LRRIQ3: variants seen among roughly 807,000 people sequenced by gnomAD.
The protein encoded by LRRIQ3 is leucine rich repeats and IQ motif containing 3.
LRRIQ3 carries 75 observed loss-of-function variants against 59.3 expected under a neutral mutation model. The ratio of observed to expected loss-of-function variants is 1.26; its 90% confidence interval spans 1.05 to 1.53. The LOEUF is 1.53. Ranked by LOEUF, LRRIQ3 falls within the 40% of genes most tolerant of loss-of-function variation. LRRIQ3 has a pLI of 0.00. For synonymous variants in LRRIQ3, 250 were observed against 231.3 expected, an observed-to-expected ratio of 1.08 and a Z score of -0.73; for missense variants, 831 against 710.0, an observed-to-expected ratio of 1.17 and a Z score of -1.94.
intron 5 of LRRIQ3, chr1:74,095,098 CTCT>C (rs909842681): frequency 1.3e-5 from 2 of 152,076 alleles, no homozygotes; most frequent in African/African-American, 2.4e-5. Context: ...TAGCTGTGAC[CTCT>C]TCTTCTTTAT....
chr1:74,040,164 T>G (rs1653999404), intron 7 of LRRIQ3, among the ~76,000 whole-genome samples: 1 of 152,014 alleles, frequency 6.6e-6, no homozygotes, highest in African/African-American at 2.4e-5. Flanking sequence ...AAAACAGACT[T>G]TAAACCAACA....
chr1:74,076,343 T>C (rs770163083), intron 5 of LRRIQ3, among the ~76,000 whole-genome samples: 101 of 152,164 alleles, frequency 6.6e-4, no homozygotes, highest in Admixed American at 4.3e-3. Flanking sequence ...AAGTTCTTTA[T>C]GGATATTAAC....
chr1:74,060,188 T>TTTCCTCTTCTTC (rs1654666387), intron 6 of LRRIQ3, among the ~76,000 whole-genome samples: 1 of 111,518 alleles, frequency 9.0e-6, no homozygotes. Context: ...TCTTCTTCTT[T>TTTCCTCTTCTTC]TTCTTCTTCT....
In LRRIQ3 at chr1:74,050,549, C is replaced by T. The variant is rs554352747; in HGVS notation, c.998-8616G>A. The stretch of plus-strand genomic sequence containing the variant: ...ACAGAGCTTGTTTGATTCTTCTGAA[C>T]GTATTGCAGATTTATGAACCATCTG... On this transcript the variant is annotated intron_variant, in intron 6 of 7. Transcript: ENST00000354431. The T allele has an allele frequency of 2.7e-5, 27 of 985,340 alleles. 1 individual carries two copies. In the South Asian group the frequency reaches 8.9e-4, roughly 33 times the overall value. The allele number at this position is 985,340 out of a possible 1,614,324, so 61.0% of individuals were successfully genotyped here. A position where few individuals can be genotyped will look rare whatever the true frequency, so the allele number is the denominator to read the frequency against.
intron 5 of LRRIQ3, among the ~76,000 whole-genome samples, chr1:74,080,858 A>G (rs1175886044): frequency 6.6e-6 from 1 of 151,580 alleles, no homozygotes; most frequent in Non-Finnish European, 1.5e-5. Flanking sequence ...CATGTATGGC[A>G]AGTAAATAGG....
chr1:74,128,374 G>T (rs1478075062), intron 4 of LRRIQ3, among the ~76,000 whole-genome samples: 1 of 151,824 alleles, frequency 6.6e-6, no homozygotes, highest in African/African-American at 2.4e-5. Context: ...TAATTCTTCT[G>T]GTAAGAGACC....
chr1:74,035,501 C>T (rs1454137557), intron 7 of LRRIQ3, among the ~76,000 whole-genome samples: 3 of 152,042 alleles, frequency 2.0e-5, no homozygotes, highest in Admixed American at 6.6e-5. Flanking sequence ...CAACAAAGCT[C>T]CTACTTTACC....
intron 6 of LRRIQ3, among the ~76,000 whole-genome samples, chr1:74,065,779 A>G (rs899691734): frequency 6.6e-6 from 1 of 152,110 alleles, no homozygotes; most frequent in African/African-American, 2.4e-5. Context: ...TGTTGTTTGT[A>G]CCTAATTCTA....
At chr1:74,160,330 C>T (rs944143299) in intron 3 of LRRIQ3, among the ~76,000 whole-genome samples, 2 of 152,028 alleles carry the variant, frequency 1.3e-5, no homozygotes, top group Non-Finnish European at 2.9e-5. Flanking sequence ...TTCACTCATG[C>T]CAACACCTCT....
chr1:74,191,708 A>C (rs1364658622), intron 1 of LRRIQ3, among the ~76,000 whole-genome samples: 3 of 152,158 alleles, frequency 2.0e-5, no homozygotes, highest in African/African-American at 7.2e-5. Context: ...AGGTCAATAA[A>C]AATTTAAAGA....
rs923598551 is a variant in LRRIQ3 at position 74,182,481 on chromosome 1, G to A, written c.573+57C>T. 3.1e-5 allele frequency: 35 copies of A among 1,126,758 alleles called. No homozygotes were observed. The African/African-American group carries it at 5.4e-4, about 17-fold the overall frequency. 69.8% of individuals were successfully genotyped at this position (1,126,758 alleles called of 1,614,324 possible). A position where few individuals can be genotyped will look rare whatever the true frequency, so the allele number is the denominator to read the frequency against. On this transcript the variant is annotated intron_variant, in intron 3 of 7. Transcript: ENST00000354431. ...TATAATTTAGATATAGAACTCAGAA[G>A]CTAAAATTTCCCTTTTATACATTTA...
At chr1:74,160,665 A>T (rs899648991) in intron 3 of LRRIQ3, among the ~76,000 whole-genome samples, 3 of 152,022 alleles carry the variant, frequency 2.0e-5, no homozygotes, top group African/African-American at 7.2e-5. Context: ...AGTTTCTCAT[A>T]TTGAATTTTT....
At chr1:74,175,808 A>G (rs771033343) in intron 3 of LRRIQ3, among the ~76,000 whole-genome samples, 1 of 152,178 alleles carries the variant, frequency 6.6e-6, no homozygotes, top group Non-Finnish European at 1.5e-5. Flanking sequence ...CTTTCTTAGT[A>G]GATGCTTTAA....
chr1:74,169,179 C>T (rs1221564869), intron 3 of LRRIQ3, among the ~76,000 whole-genome samples: 1 of 152,116 alleles, frequency 6.6e-6, no homozygotes, highest in Non-Finnish European at 1.5e-5. Context: ...CGGTATTTGT[C>T]CTTCCATGAC....
chr1:74,177,965 T>C (rs1361352780), intron 3 of LRRIQ3, among the ~76,000 whole-genome samples: 5 of 152,018 alleles, frequency 3.3e-5, no homozygotes, highest in Non-Finnish European at 7.4e-5. Context: ...GTATATGTTT[T>C]TGCATAATAC....
intron 7 of LRRIQ3, among the ~76,000 whole-genome samples, chr1:74,034,715 A>T (rs4650240): frequency 0.85 from 128,972 of 151,606 alleles, 55,730 homozygotes; most frequent in East Asian, 0.97. Flanking sequence ...GGGGGAAATA[A>T]ATAGTATTTT....
At chr1:74,090,521 G>C (rs778370204) in intron 5 of LRRIQ3, among the ~76,000 whole-genome samples, 83 of 152,002 alleles carry the variant, frequency 5.5e-4, no homozygotes, top group Non-Finnish European at 9.7e-4. Flanking sequence ...AATTTGGAGA[G>C]TAGAGACATC....
chr1:74,122,770 C>A (rs1417220896), intron 4 of LRRIQ3, among the ~76,000 whole-genome samples: 1 of 152,120 alleles, frequency 6.6e-6, no homozygotes, highest in Non-Finnish European at 1.5e-5. Flanking sequence ...TAGGCATGGG[C>A]AAGGACTTCA....
At chr1:74,171,146 T>A (rs1417741937) in intron 3 of LRRIQ3, among the ~76,000 whole-genome samples, 2 of 152,198 alleles carry the variant, frequency 1.3e-5, no homozygotes, top group Non-Finnish European at 2.9e-5. Flanking sequence ...GGCATTTATT[T>A]ATTTGTTTAG....
Sources: allele counts gnomAD v4.1 joint callset (sites outside exome capture counted in the v4.1 genomes callset), GRCh38; gene constraint gnomAD v4.1.1; transcripts MANE v1.5; gene names NCBI Gene and HGNC (gene_info 2026-07-23, HGNC 2026-07-21).